Variants in RALY observed in about 807,000 individuals in gnomAD.
The protein encoded by RALY is RALY heterogeneous nuclear ribonucleoprotein.
Under a neutral mutation model 30.7 loss-of-function variants are expected in RALY, and 15 were observed. That is an observed-to-expected ratio of 0.49 (90% CI 0.33 to 0.75). The LOEUF is 0.75. RALY is among the 30% of genes least tolerant of loss of function. The pLI, the probability that RALY is intolerant of heterozygous loss-of-function variation, is 0.02. For synonymous variants in RALY, 177 were observed against 170.8 expected (o/e 1.04, Z -0.28); for missense variants, 339 against 414.3 (o/e 0.82, Z 1.58).
chr20:34,038,497 T>G (rs2032582917), intron 2 of RALY, among the ~76,000 whole-genome samples: 2 of 152,166 alleles, frequency 1.3e-5, no homozygotes, highest in African/African-American at 4.8e-5. Context: ...AATTGCTTCT[T>G]TGGAATTATC....
At chr20:34,025,143 G>A (rs1033702502) in intron 1 of RALY, among the ~76,000 whole-genome samples, 6 of 152,172 alleles carry the variant, frequency 3.9e-5, no homozygotes, top group African/African-American at 1.2e-4. Flanking sequence ...TGCCTTCAGG[G>A]GAGCCCTGCC....
At chr20:34,022,848 T>C (rs1390782451) in intron 1 of RALY, among the ~76,000 whole-genome samples, 1 of 152,264 alleles carries the variant, frequency 6.6e-6, no homozygotes, top group Non-Finnish European at 1.5e-5. Context: ...ATTTCTTCTC[T>C]AAGCCTCCAG....
chr20:34,050,950 G>A (rs973674796), intron 2 of RALY, among the ~76,000 whole-genome samples: 10 of 152,158 alleles, frequency 6.6e-5, no homozygotes, highest in African/African-American at 2.4e-4. Flanking sequence ...AGCCTAGAGA[G>A]TAATCAATAC....
chr20:34,057,666 C>CAAAAAAAA (rs548450019), intron 2 of RALY, among the ~76,000 whole-genome samples: 1 of 67,368 alleles, frequency 1.5e-5, no homozygotes, highest in Non-Finnish European at 2.9e-5. Flanking sequence ...GACTCCGTCT[C>CAAAAAAAA]AAAAAAAAAA....
chr20:34,070,341 A>G (rs976673216), intron 2 of RALY, among the ~76,000 whole-genome samples: 1 of 152,146 alleles, frequency 6.6e-6, no homozygotes, highest in Non-Finnish European at 1.5e-5. Flanking sequence ...GGCTTTTCCT[A>G]CTGAAATTGA....
intron 1 of RALY, among the ~76,000 whole-genome samples, chr20:34,021,387 C>T (rs1202583451): frequency 1.3e-5 from 2 of 152,142 alleles, no homozygotes; most frequent in African/African-American, 4.8e-5. Flanking sequence ...GATCAAGGGG[C>T]CGCCCGCATC....
chr20:34,031,510 T>C lies in RALY; in HGVS notation c.-92-12T>C, dbSNP rs749294709. ...GAGCAGCACCCCTAATGGACTTCTC[T>C]CTCTATTGTAGGTGAGCCCTATTCC... is the stretch of plus-strand genomic sequence containing the variant. On this transcript the variant is annotated splice_polypyrimidine_tract_variant and intron_variant, in intron 1 of 9. Transcript: ENST00000246194. 1 of 152,136 alleles carries C rather than the reference T, an allele frequency of 6.6e-6. No homozygotes were observed. The highest frequency in any genetic ancestry group is 1.5e-5 in the Non-Finnish European group (1 of 68,032). The allele number at this position is 152,136 out of a possible 1,614,324, so 9.4% of individuals were successfully genotyped here.
intron 2 of RALY, among the ~76,000 whole-genome samples, chr20:34,044,467 T>A (rs931862499): frequency 6.6e-6 from 1 of 152,112 alleles, no homozygotes; most frequent in African/African-American, 2.4e-5. Flanking sequence ...ATTACAGGCA[T>A]GCACCACCAC....
rs2033893072 is a variant in RALY, at chr20:34,076,809, A to C, written c.652A>C (p.Asn218His). The C allele has an allele frequency of 6.2e-7, 1 of 1,613,736 alleles. No individual in the cohort carries two copies. The highest frequency in any genetic ancestry group is 8.5e-7 in the Non-Finnish European group (1 of 1,179,912). The change falls in exon 7 of 10, where the codon AAT becomes CAT. Residue 218 changes from asparagine to histidine, a missense_variant. By Grantham distance (68) the Asn-to-His change is moderately conservative. This residue lies in a region of RALY where 268 missense variants were observed against 280.6 expected (regional missense o/e 0.95). Coordinates refer to ENST00000246194, the MANE Select transcript of RALY (RefSeq NM_016732.3). ...LEQIAAEQKA[N>H]PDGKKKGDGG... ...GCAGATCGCTGCGGAGCAAAAGGCC[A>C]ATCCAGGTCAGCCTCTGAGGATTCT...
chr20:34,054,662 C>G (rs1464029493), intron 2 of RALY, among the ~76,000 whole-genome samples: 1 of 152,100 alleles, frequency 6.6e-6, no homozygotes, highest in Non-Finnish European at 1.5e-5. Flanking sequence ...TTTGTCTCTA[C>G]TAAAAATACA....
At chr20:34,024,755 T>C (rs1452742343) in intron 1 of RALY, among the ~76,000 whole-genome samples, 2 of 152,168 alleles carry the variant, frequency 1.3e-5, no homozygotes, top group South Asian at 2.1e-4. Flanking sequence ...TTTTTTATTA[T>C]GTTGTGAGGT....
intron 9 of RALY, among the ~76,000 whole-genome samples, chr20:34,079,345 T>C (rs772528995): frequency 6.6e-6 from 1 of 152,212 alleles, no homozygotes; most frequent in Non-Finnish European, 1.5e-5. Flanking sequence ...GCCCACTCTC[T>C]GGCCACTGTT....
At chr20:34,012,015 G>A (rs2031417376) in intron 1 of RALY, among the ~76,000 whole-genome samples, 1 of 151,436 alleles carries the variant, frequency 6.6e-6, no homozygotes, top group South Asian at 2.1e-4. Context: ...GCAGTAAGCC[G>A]AGCTTGCGCC....
intron 2 of RALY, among the ~76,000 whole-genome samples, chr20:34,068,445 A>G (rs747655427): frequency 6.6e-6 from 1 of 152,180 alleles, no homozygotes; most frequent in Non-Finnish European, 1.5e-5. Context: ...TAGTGGTCCT[A>G]ACCACTTAAG....
chr20:34,067,045 G>C (rs985903362), intron 2 of RALY, among the ~76,000 whole-genome samples: 6 of 152,146 alleles, frequency 3.9e-5, no homozygotes, highest in Non-Finnish European at 8.8e-5. Context: ...TTGAGGTCCT[G>C]ATTCCAGTTC....
At position 34,060,503 on chromosome 20, in the gene RALY, C is replaced by G. The variant is rs748727981; in HGVS notation, c.-9-11563C>G. On this transcript the variant is annotated intron_variant, in intron 2 of 9. Transcript: ENST00000246194. Reference sequence around the variant, plus strand: ...TTCGCATGCTTTCTGATGTGCTGGACACTATTCTGAATGCTTACATGAATT... The same window carrying G: ...TTCGCATGCTTTCTGATGTGCTGGAGACTATTCTGAATGCTTACATGAATT... Among the ~76,000 whole-genome samples the G allele has an allele frequency of 4.2e-4, 64 of 152,338 alleles. 1 individual carries two copies. The highest frequency in any genetic ancestry group is 6.8e-3 in the Middle Eastern group (2 of 294).
intron 3 of RALY, among the ~76,000 whole-genome samples, chr20:34,072,726 GT>G (rs1054509680): frequency 6.6e-6 from 1 of 152,172 alleles, no homozygotes; most frequent in Non-Finnish European, 1.5e-5. Flanking sequence ...AATACGCTTG[GT>G]TTTGGTGTCA....
intron 2 of RALY, among the ~76,000 whole-genome samples, chr20:34,067,368 G>A (rs1280741465): frequency 6.6e-6 from 1 of 151,734 alleles, no homozygotes; most frequent in Non-Finnish European, 1.5e-5. Flanking sequence ...GTTTCACCAT[G>A]TTAGCTAGGC....
At chr20:34,019,939 TA>T (rs946444286) in intron 1 of RALY, among the ~76,000 whole-genome samples, 1 of 151,964 alleles carries the variant, frequency 6.6e-6, no homozygotes, top group African/African-American at 2.4e-5. Context: ...TGGGCGCCTG[TA>T]GTCCCAGCTA....
Sources: gnomAD v4.1 joint callset for allele counts (sites outside exome capture counted in the v4.1 genomes callset) on GRCh38, gnomAD v4.1.1 for gene constraint, gnomAD v4.1.1 regional missense constraint, MANE v1.5 for transcripts, NCBI Gene and HGNC (gene_info 2026-07-23, HGNC 2026-07-21) for gene names.